HCN1: variants seen among roughly 807,000 people sequenced by gnomAD.
HCN1 encodes potassium/sodium hyperpolarization-activated cyclic nucleotide-gated channel 1.
A neutral mutation model predicts 78.9 loss-of-function variants in HCN1; 13 were observed. The ratio of observed to expected loss-of-function variants is 0.16; its 90% confidence interval spans 0.11 to 0.26. The LOEUF is 0.26. Ranked by LOEUF, HCN1 falls within the 10% of genes least tolerant of loss-of-function variation. The pLI, the probability that HCN1 is intolerant of heterozygous loss-of-function variation, is 1.00. For missense variants in HCN1, 810 were observed against 1,154.3 expected (o/e 0.70, Z 4.32); for synonymous variants, 552 against 455.5 (o/e 1.21, Z -2.70).
chr5:45,496,198 G>C (rs909884231), intron 2 of HCN1, among the ~76,000 whole-genome samples: 59 of 152,128 alleles, frequency 3.9e-4, no homozygotes, highest in Admixed American at 7.9e-4. Flanking sequence ...CCTTGTACCT[G>C]TGGTAGAATT....
chr5:45,546,471 A>C (rs1233803138), intron 2 of HCN1, among the ~76,000 whole-genome samples: 1 of 151,944 alleles, frequency 6.6e-6, no homozygotes, highest in Non-Finnish European at 1.5e-5. Flanking sequence ...AATGACACCT[A>C]AAGTGACTTT....
Position 45,374,649 on chromosome 5 carries a change from G to T in HCN1, c.1231-21403C>A, listed in dbSNP as rs554983705. ...GACTCCTTCCTAACTCATTCTATGA[G>T]GCCAGCATCATCCTGATACCAAAAC... is the stretch of plus-strand genomic sequence containing the variant. On this transcript the variant is annotated intron_variant, in intron 4 of 7. Coordinates refer to ENST00000303230, the MANE Select transcript of HCN1 (RefSeq NM_021072.4). Among the ~76,000 whole-genome samples, 4 of 150,418 alleles carry T rather than the reference G, an allele frequency of 2.7e-5. No individual in the cohort carries two copies. In the South Asian group the frequency reaches 8.3e-4, roughly 31 times the overall value.
At chr5:45,630,139 G>T (rs1580007448) in intron 2 of HCN1, among the ~76,000 whole-genome samples, 1 of 152,216 alleles carries the variant, frequency 6.6e-6, no homozygotes, top group East Asian at 1.9e-4. Context: ...GCCCCCTAAT[G>T]CTTCCACTCT....
At chr5:45,441,086 T>G (rs1740668553) in intron 3 of HCN1, among the ~76,000 whole-genome samples, 1 of 152,200 alleles carries the variant, frequency 6.6e-6, no homozygotes, top group African/African-American at 2.4e-5. Flanking sequence ...TGTCATCTTT[T>G]TGGGGATGGC....
At chr5:45,292,149 T>C (rs1057368485) in intron 6 of HCN1, among the ~76,000 whole-genome samples, 1 of 151,990 alleles carries the variant, frequency 6.6e-6, no homozygotes, top group African/African-American at 2.4e-5. Flanking sequence ...TAGGGATATA[T>C]TGGGCTTAAC....
chr5:45,303,623 G>T lies in HCN1; in HGVS notation c.1594C>A (p.Leu532Met). The T allele has an allele frequency of 6.2e-7, 1 of 1,613,310 alleles. No individual in the cohort carries two copies. Among genetic ancestry groups the T allele is most frequent in the Non-Finnish European group, 8.5e-7 (1 of 1,179,584 alleles). ...VITKSSKEMK[L>M]TDGSYFGEIC... is the part of the protein sequence containing the mutation. ...CCTCCAAAGTAAGAGCCATCTGTCA[G>T]CTTCATTTCTTTACTGGATTTTGTA... is the stretch of plus-strand genomic sequence containing the variant. Residue 532 changes from leucine (L) to methionine (M), a missense_variant, in exon 6 of 8, where the codon CTG becomes ATG. Leu to Met is a conservative substitution (Grantham distance 15, BLOSUM62 2). This residue lies in a region of HCN1 where 100 missense variants were observed against 126.8 expected (regional missense o/e 0.79). Coordinates refer to ENST00000303230, the MANE Select transcript of HCN1 (RefSeq NM_021072.4).
intron 2 of HCN1, chr5:45,617,397 C>T (rs1233076570): frequency 6.6e-6 from 1 of 152,094 alleles, no homozygotes; most frequent in Non-Finnish European, 1.5e-5. Flanking sequence ...GACTCAAGTT[C>T]CTTCCATCTG....
intron 4 of HCN1, among the ~76,000 whole-genome samples, chr5:45,372,237 A>C (rs1176686541): frequency 1.4e-5 from 1 of 72,674 alleles, no homozygotes; most frequent in East Asian, 5.4e-4. Flanking sequence ...AATATATATT[A>C]TATTTTATAT....
chr5:45,536,791 A>G (rs1742976700), intron 2 of HCN1, among the ~76,000 whole-genome samples: 1 of 152,216 alleles, frequency 6.6e-6, no homozygotes. Flanking sequence ...GGATTTTGTT[A>G]TAATTCTCTG....
rs569718141 is a variant in HCN1, at chr5:45,476,398, C to G, written c.850-14391G>C. On this transcript the variant is annotated intron_variant, in intron 2 of 7. Coordinates refer to ENST00000303230, the MANE Select transcript of HCN1 (RefSeq NM_021072.4). The stretch of plus-strand genomic sequence containing the variant: ...TACAGCCTCCAGAACTGTAAGAAAT[C>G]ACTATCTGTTGTTTAAGCCACCCAG... Among the ~76,000 whole-genome samples, 10 of 152,196 alleles carry G rather than the reference C, an allele frequency of 6.6e-5. No homozygotes were observed. In the South Asian group the frequency reaches 2.1e-3, roughly 32 times the overall value.
At chr5:45,478,447 A>T (rs949804195) in intron 2 of HCN1, among the ~76,000 whole-genome samples, 6 of 152,208 alleles carry the variant, frequency 3.9e-5, no homozygotes, top group Admixed American at 3.9e-4. Flanking sequence ...GTTAACACAG[A>T]TGGCTTGTCC....
chr5:45,502,636 T>G (rs1024422243), intron 2 of HCN1, among the ~76,000 whole-genome samples: 2 of 152,174 alleles, frequency 1.3e-5, no homozygotes, highest in Non-Finnish European at 2.9e-5. Flanking sequence ...CTTTAGTTAC[T>G]CAGAGTAATA....
intron 2 of HCN1, among the ~76,000 whole-genome samples, chr5:45,555,016 CA>C (rs1335879761): frequency 6.6e-6 from 1 of 151,708 alleles, no homozygotes; most frequent in African/African-American, 2.4e-5. Flanking sequence ...GCAACACACC[CA>C]AAGCAAAATA....
chr5:45,540,142 G>T (rs1450270403), intron 2 of HCN1, among the ~76,000 whole-genome samples: 1 of 151,726 alleles, frequency 6.6e-6, no homozygotes, highest in Non-Finnish European at 1.5e-5. Flanking sequence ...AATTAAAGCA[G>T]TATACAAATT....
At chr5:45,539,292 CT>C (rs763159630) in intron 2 of HCN1, among the ~76,000 whole-genome samples, 2 of 151,542 alleles carry the variant, frequency 1.3e-5, no homozygotes, top group Non-Finnish European at 2.9e-5. Context: ...ATTTACAAAA[CT>C]TTTTATTTTA....
chr5:45,307,313 G>A (rs1407764302), intron 5 of HCN1, among the ~76,000 whole-genome samples: 2 of 152,030 alleles, frequency 1.3e-5, no homozygotes, highest in African/African-American at 2.4e-5. Flanking sequence ...TCAAAAAGTT[G>A]GAGAATAATT....
chr5:45,610,529 CTATA>C (rs1306855524), intron 2 of HCN1, among the ~76,000 whole-genome samples: 1 of 148,790 alleles, frequency 6.7e-6, no homozygotes. Context: ...TATATAATCT[CTATA>C]TATTTTAAAT....
chr5:45,569,572 A>G (rs928773737), intron 2 of HCN1, among the ~76,000 whole-genome samples: 3 of 152,016 alleles, frequency 2.0e-5, no homozygotes, highest in Non-Finnish European at 1.5e-5. Flanking sequence ...TTTAATCTCA[A>G]TTACTGTTTT....
intron 4 of HCN1, among the ~76,000 whole-genome samples, chr5:45,394,966 A>G (rs893435830): frequency 9.9e-5 from 15 of 152,226 alleles, no homozygotes; most frequent in Admixed American, 9.2e-4. Context: ...AAATCATAAC[A>G]TCTTTGCATA....
Sources: allele counts gnomAD v4.1 joint callset (sites outside exome capture counted in the v4.1 genomes callset), GRCh38; gene constraint gnomAD v4.1.1; regional missense constraint gnomAD v4.1.1; transcripts MANE v1.5; gene names NCBI Gene and HGNC (gene_info 2026-07-23, HGNC 2026-07-21).